Variants in GALK2 observed in about 807,000 individuals in gnomAD.
GALK2 encodes galactokinase 2.
In GALK2, 36 loss-of-function variants were observed where a neutral mutation model predicts 52.4. The observed-to-expected ratio is 0.69, with a 90% confidence interval of 0.53 to 0.91. The LOEUF (loss-of-function observed/expected upper bound fraction) is 0.91, where lower values mean the gene tolerates loss of function less well. GALK2 is among the 40% of genes least tolerant of loss of function. The probability of loss-of-function intolerance (pLI) is 0.00; values close to 1 mark genes in which losing one functional copy is unlikely to be tolerated. For synonymous variants in GALK2, 176 were observed against 199.1 expected, an observed-to-expected ratio of 0.88 and a Z score of 0.98; for missense variants, 579 against 559.1, an observed-to-expected ratio of 1.04 and a Z score of -0.36.
intron 1 of GALK2, among the ~76,000 whole-genome samples, chr15:49,199,424 G>A (rs954318973): frequency 6.6e-6 from 1 of 152,106 alleles, no homozygotes; most frequent in East Asian, 1.9e-4. Flanking sequence ...CATCTACCAG[G>A]TAGTCCAGTA....
chr15:49,234,986 C>T (rs529681181), intron 3 of GALK2, among the ~76,000 whole-genome samples: 50 of 152,140 alleles, frequency 3.3e-4, no homozygotes, highest in Admixed American at 3.2e-3. Flanking sequence ...AGGCTTGTCT[C>T]GAACTCCTGA....
intron 3 of GALK2, among the ~76,000 whole-genome samples, chr15:49,229,125 G>A (rs1256043650): frequency 6.6e-6 from 1 of 152,224 alleles, no homozygotes; most frequent in Non-Finnish European, 1.5e-5. Context: ...TTTATAGACA[G>A]TGACTTTTTC....
intron 3 of GALK2, among the ~76,000 whole-genome samples, chr15:49,219,745 A>G (rs982860514): frequency 1.3e-5 from 2 of 152,126 alleles, no homozygotes; most frequent in Non-Finnish European, 2.9e-5. Context: ...TCGGAGGTGG[A>G]GGTTGCAGTG....
intron 3 of GALK2, among the ~76,000 whole-genome samples, chr15:49,235,352 G>A (rs1048177258): frequency 6.6e-6 from 1 of 151,874 alleles, no homozygotes; most frequent in Non-Finnish European, 1.5e-5. Flanking sequence ...ACTTACATTA[G>A]TATAGACTCA....
chr15:49,250,465 T>A (rs1046856061), intron 5 of GALK2, among the ~76,000 whole-genome samples: 1 of 152,314 alleles, frequency 6.6e-6, no homozygotes, highest in South Asian at 2.1e-4. Flanking sequence ...TTTGTGGTAG[T>A]CTTGTAAATA....
chr15:49,210,155 T>C (rs78861790), intron 2 of GALK2, among the ~76,000 whole-genome samples: 3 of 152,040 alleles, frequency 2.0e-5, no homozygotes, highest in Non-Finnish European at 4.4e-5. Context: ...TGATCCTTTG[T>C]ATTTTGTGGT....
At chr15:49,350,933 A>C (rs2042152904) in intron 3 of GALK2, among the ~76,000 whole-genome samples, 1 of 152,168 alleles carries the variant, frequency 6.6e-6, no homozygotes, top group Non-Finnish European at 1.5e-5. Flanking sequence ...CGTGTGCATC[A>C]CATTCCCCCT....
chr15:49,343,677 G>A (rs1372321543), intron 3 of GALK2: 1 of 152,206 alleles, frequency 6.6e-6, no homozygotes, highest in Non-Finnish European at 1.5e-5. Flanking sequence ...TAATAGTGAT[G>A]TAGGTTGTAT....
chr15:49,290,998 C>G (rs1408692728), intron 7 of GALK2, among the ~76,000 whole-genome samples: 1 of 152,108 alleles, frequency 6.6e-6, no homozygotes, highest in Non-Finnish European at 1.5e-5. Flanking sequence ...CTTCATCACC[C>G]AGGCCGGAGC....
rs371025596 is a variant in GALK2, at chr15:49,217,303, C to A, written c.256C>A (p.Pro86Thr). The change falls in exon 3 of 10, where the codon CCC becomes ACC. Residue 86 changes from proline (P) to threonine (T), a missense_variant. Transcript: ENST00000560031. ...TYALQLANTN[P>T]LYPDFSTSAN... The stretch of plus-strand genomic sequence containing the variant: ...CGCTCTCCAACTGGCCAATACAAAT[C>A]CCTTGTATCCGTGAGTATTTAAAAT... The A allele has an allele frequency of 7.4e-6, 12 of 1,613,522 alleles. No homozygotes were observed. The highest frequency in any genetic ancestry group is 9.3e-6 in the Non-Finnish European group (11 of 1,179,734).
In GALK2 at chr15:49,236,127, G is replaced by A. The variant is rs7169302; in HGVS notation, c.357+186G>A. ...TGTTTTGGGGTGGTGTTCACAGGGG[G>A]CAGTAGTGGTTTTTATACAGCTGGC... On this transcript the variant is annotated intron_variant, in intron 4 of 9. Coordinates refer to ENST00000560031, the MANE Select transcript of GALK2 (RefSeq NM_002044.4). Among the ~76,000 whole-genome samples, 739 of 152,292 alleles carry A rather than the reference G, an allele frequency of 4.9e-3. 7 individuals carry two copies. Among genetic ancestry groups the A allele is most frequent in the African/African-American group, 0.017 (704 of 41,560 alleles).
chr15:49,181,790 CTT>C (rs2085992152), intron 1 of GALK2, among the ~76,000 whole-genome samples: 1 of 151,982 alleles, frequency 6.6e-6, no homozygotes, highest in Non-Finnish European at 1.5e-5. Flanking sequence ...ATTCCCCAAA[CTT>C]AACATTTTAC....
chr15:49,178,565 T>C, intron 1 of GALK2: 1 of 243,650 alleles, frequency 4.1e-6, no homozygotes, highest in Non-Finnish European at 8.3e-6. Flanking sequence ...ATATATAACG[T>C]AAACTTGCTT....
chr15:49,318,960 T>C, intron 8 of GALK2: 1 of 452,790 alleles, frequency 2.2e-6, no homozygotes, highest in Non-Finnish European at 4.4e-6. Flanking sequence ...CTTTCTTTTT[T>C]TTTTTTTTGA....
At chr15:49,318,953 T>C (rs1567057976) in intron 8 of GALK2, 1 of 448,268 alleles carries the variant, frequency 2.2e-6, no homozygotes, top group Admixed American at 2.4e-5. Context: ...TTTCTTTCTT[T>C]CTTTTTTTTT....
chr15:49,337,751 T>G (rs1360749902), intron 3 of GALK2, among the ~76,000 whole-genome samples: 1 of 151,918 alleles, frequency 6.6e-6, no homozygotes, highest in Non-Finnish European at 1.5e-5. Flanking sequence ...TTCCCACTTA[T>G]GAGTGAGAAC....
At chr15:49,362,159 T>C (rs1438430646) in intron 3 of GALK2, among the ~76,000 whole-genome samples, 5 of 152,116 alleles carry the variant, frequency 3.3e-5, no homozygotes, top group Non-Finnish European at 7.4e-5. Flanking sequence ...CCCACCCAAA[T>C]CTCATGTTGA....
intron 8 of GALK2, among the ~76,000 whole-genome samples, chr15:49,306,002 A>G (rs1315975288): frequency 1.3e-5 from 2 of 152,218 alleles, no homozygotes; most frequent in Non-Finnish European, 2.9e-5. Flanking sequence ...GATGTTTGTG[A>G]AAGTGAAAGA....
At chr15:49,365,362 T>G in intron 3 of GALK2, 6 of 1,433,838 alleles carry the variant, frequency 4.2e-6, no homozygotes, top group Non-Finnish European at 3.9e-6. Context: ...CATAGGCAAC[T>G]GTAGAGGAAA....
Sources: allele counts gnomAD v4.1 joint callset (sites outside exome capture counted in the v4.1 genomes callset), GRCh38; gene constraint gnomAD v4.1.1; transcripts MANE v1.5; gene names NCBI Gene and HGNC (gene_info 2026-07-23, HGNC 2026-07-21).